Variants in NXPH1 observed in about 807,000 individuals in gnomAD.
NXPH1 encodes the protein neurexophilin-1.
A neutral mutation model predicts 23.7 loss-of-function variants in NXPH1; 5 were observed. The ratio of observed to expected loss-of-function variants is 0.21; its 90% CI spans 0.11 to 0.44. The LOEUF (loss-of-function observed/expected upper bound fraction) is 0.44. Among genes scored for constraint, NXPH1 ranks in the 20% least tolerant of loss-of-function variants. The pLI, the probability that NXPH1 is intolerant of heterozygous loss-of-function variation, is 0.99. For synonymous variants in NXPH1, 144 were observed against 122.2 expected (o/e 1.18, Z -1.18); for missense variants, 324 against 321.6 (o/e 1.01, Z -0.06).
intron 2 of NXPH1, among the ~76,000 whole-genome samples, chr7:8,501,976 A>G (rs747326847): frequency 1.3e-5 from 2 of 152,056 alleles, no homozygotes; most frequent in Non-Finnish European, 2.9e-5. Context: ...TTAATCTGAG[A>G]TGTCATCTGA....
At chr7:8,595,404 A>G (rs1819200042) in intron 2 of NXPH1, among the ~76,000 whole-genome samples, 2 of 152,046 alleles carry the variant, frequency 1.3e-5, no homozygotes, top group Admixed American at 6.6e-5. Flanking sequence ...ACTTAAAGCC[A>G]TGTTTACCGT....
intron 2 of NXPH1, among the ~76,000 whole-genome samples, chr7:8,555,469 T>C (rs892190415): frequency 6.6e-6 from 1 of 151,594 alleles, no homozygotes; most frequent in African/African-American, 2.4e-5. Context: ...GCAAGCCAGT[T>C]TGTAAAGAGA....
At position 8,751,219 on chromosome 7, in the gene NXPH1, A is replaced by G; in HGVS notation, c.266A>G (p.Asp89Gly). The change falls in exon 3 of 3, where the codon GAC becomes GGC. Residue 89 changes from aspartate (D) to glycine (G), a missense_variant. Asp to Gly is a moderately conservative substitution (Grantham distance 94). Coordinates refer to ENST00000405863, the MANE Select transcript of NXPH1 (RefSeq NM_152745.3). This position sits in a 1 kb window ranked among gnomAD's most constrained non-coding sequence, Gnocchi z 4.5. The stretch of plus-strand genomic sequence containing the variant: ...CCTTATTCTGAGCAAGACCTCTGGG[A>G]CTGGCTGAGGAACTCCACAGACCTT... ...PEPYSEQDLW[D>G]WLRNSTDLQE... The G allele has an allele frequency of 6.2e-7, 1 of 1,613,884 alleles. No homozygotes were observed. Among genetic ancestry groups the G allele is most frequent in the Non-Finnish European group, 8.5e-7 (1 of 1,179,810 alleles).
intron 2 of NXPH1, among the ~76,000 whole-genome samples, chr7:8,710,714 C>G (rs1053623048): frequency 3.5e-5 from 4 of 113,748 alleles, no homozygotes; most frequent in Non-Finnish European, 6.5e-5. Context: ...GGACTGCGGA[C>G]TGCAGTGGCG....
At chr7:8,715,144 C>T (rs954271817) in intron 2 of NXPH1, among the ~76,000 whole-genome samples, 1 of 152,202 alleles carries the variant, frequency 6.6e-6, no homozygotes, top group African/African-American at 2.4e-5. Context: ...CAATTCCCCT[C>T]TGGCTATGGC....
rs914845070 is a variant in NXPH1 at position 8,687,929 on chromosome 7, T to A, written c.55-63079T>A. Among the ~76,000 whole-genome samples, 7 of 152,186 alleles carry A rather than the reference T, an allele frequency of 4.6e-5. No individual in the cohort carries two copies. In the South Asian group the frequency reaches 1.4e-3, roughly 32 times the overall value. ...AGGACTATCAGGCTCTGTTGCTTTT[T>A]TTCCACGTGGTACAAATACATGCAG... On this transcript the variant is annotated intron_variant, in intron 2 of 2. Transcript: ENST00000405863.
chr7:8,506,275 C>G (rs1817520728), intron 2 of NXPH1, among the ~76,000 whole-genome samples: 1 of 152,050 alleles, frequency 6.6e-6, no homozygotes, highest in Admixed American at 6.6e-5. Context: ...AAGGGAAGAC[C>G]AAAGAGTCAA....
At chr7:8,441,485 G>A (rs1223882676) in intron 2 of NXPH1, among the ~76,000 whole-genome samples, 1 of 152,102 alleles carries the variant, frequency 6.6e-6, no homozygotes, top group African/African-American at 2.4e-5. Flanking sequence ...CCAAAGCTTG[G>A]CAAGCACTTA....
intron 2 of NXPH1, among the ~76,000 whole-genome samples, chr7:8,691,668 A>T (rs577108247): frequency 1.3e-5 from 2 of 152,356 alleles, no homozygotes; most frequent in East Asian, 3.9e-4. Context: ...TAAGCTGGTT[A>T]ACTAATGTAT....
At chr7:8,583,052 G>T (rs987302013) in intron 2 of NXPH1, among the ~76,000 whole-genome samples, 1 of 152,032 alleles carries the variant, frequency 6.6e-6, no homozygotes, top group Admixed American at 6.5e-5. Flanking sequence ...CCCTGAGTGT[G>T]CATACACTTG....
At chr7:8,721,152 T>C (rs1173006661) in intron 2 of NXPH1, among the ~76,000 whole-genome samples, 1 of 152,196 alleles carries the variant, frequency 6.6e-6, no homozygotes, top group East Asian at 1.9e-4. Context: ...TATAATTTTC[T>C]TAGGGTCTAC....
intron 2 of NXPH1, among the ~76,000 whole-genome samples, chr7:8,551,056 A>T (rs941991689): frequency 5.3e-5 from 8 of 151,534 alleles, no homozygotes; most frequent in African/African-American, 1.9e-4. Flanking sequence ...TGTATTAGAA[A>T]ATTGTCTTAC....
intron 2 of NXPH1, among the ~76,000 whole-genome samples, chr7:8,498,514 A>T (rs1817377052): frequency 6.6e-6 from 1 of 152,106 alleles, no homozygotes; most frequent in African/African-American, 2.4e-5. Flanking sequence ...AAAATTTGCA[A>T]ACCAGAAGGA....
chr7:8,686,596 T>C (rs928008152), intron 2 of NXPH1, among the ~76,000 whole-genome samples: 19 of 152,152 alleles, frequency 1.2e-4, no homozygotes, highest in African/African-American at 4.3e-4. Context: ...ATCAGAATTA[T>C]ACTCCTGTTC....
chr7:8,737,823 G>T (rs1385409003), intron 2 of NXPH1, among the ~76,000 whole-genome samples: 1 of 152,114 alleles, frequency 6.6e-6, no homozygotes, highest in Admixed American at 6.5e-5. Flanking sequence ...TGGAGGCTTT[G>T]TTCATTCCTT....
chr7:8,703,674 A>G (rs1417536299), intron 2 of NXPH1, among the ~76,000 whole-genome samples: 1 of 152,046 alleles, frequency 6.6e-6, no homozygotes, highest in East Asian at 1.9e-4. Flanking sequence ...GCTTTTTATG[A>G]CTTCACTGAG....
rs1198417140 is a variant in NXPH1, at chr7:8,751,696, A to T, written c.743A>T (p.Asp248Val). 2 of 1,612,936 alleles carry T rather than the reference A, an allele frequency of 1.2e-6. No homozygotes were observed. Among genetic ancestry groups the T allele is most frequent in the Non-Finnish European group, 1.7e-6 (2 of 1,179,470 alleles). The change falls in exon 3 of 3, where the codon GAT (aspartate) becomes GTT (valine). Residue 248 changes from aspartate to valine, a missense_variant. Coordinates refer to ENST00000405863, the MANE Select transcript of NXPH1 (RefSeq NM_152745.3). The surrounding 1 kb of genome is among the most constrained non-coding windows in gnomAD (Gnocchi z 4.5). The part of the protein sequence containing the change: ...ICIYISFYST[D>V]YKLVQKVCPD... ...ATTTACATTTCCTTTTATAGTACAG[A>T]TTATAAACTGGTACAGAAAGTGTGC...
intron 2 of NXPH1, among the ~76,000 whole-genome samples, chr7:8,440,208 C>T (rs1816274329): frequency 6.6e-6 from 1 of 152,238 alleles, no homozygotes; most frequent in Non-Finnish European, 1.5e-5. Flanking sequence ...GAAGTTGCTA[C>T]TATTCTAGGC....
At chr7:8,651,854 G>C (rs1820496106) in intron 2 of NXPH1, among the ~76,000 whole-genome samples, 1 of 152,066 alleles carries the variant, frequency 6.6e-6, no homozygotes, top group African/African-American at 2.4e-5. Context: ...ATAATTCATG[G>C]CTAAAATAAT....
Sources: allele counts gnomAD v4.1 joint callset (sites outside exome capture counted in the v4.1 genomes callset), GRCh38; gene constraint gnomAD v4.1.1; non-coding constraint Gnocchi (gnomAD v3.1); transcripts MANE v1.5; gene names NCBI Gene and HGNC (gene_info 2026-07-23, HGNC 2026-07-21).